The following OPCML variants were observed in gnomAD, a reference collection of about 807,000 sequenced individuals.
OPCML encodes opioid-binding protein/cell adhesion molecule.
A neutral mutation model predicts 37.8 loss-of-function variants in OPCML; 13 were observed. The observed-to-expected ratio is 0.34, with a 90% CI of 0.22 to 0.55. The LOEUF is 0.55. OPCML is among the 20% of genes least tolerant of loss of function. The pLI is 0.91. For missense variants in OPCML, 341 were observed against 435.6 expected (o/e 0.78, Z 1.93); for synonymous variants, 176 against 168.8 (o/e 1.04, Z -0.33).
intron 3 of OPCML, among the ~76,000 whole-genome samples, chr11:132,627,999 A>C (rs1291591350): frequency 6.6e-6 from 1 of 152,202 alleles, no homozygotes; most frequent in African/African-American, 2.4e-5. Context: ...ATTTAAATCT[A>C]GGCTGAAATT....
chr11:133,133,527 T>G (rs2137142013), intron 1 of OPCML, among the ~76,000 whole-genome samples: 1 of 152,206 alleles, frequency 6.6e-6, no homozygotes, highest in Admixed American at 6.5e-5. Flanking sequence ...GGCAGCCCGT[T>G]CTCCCCATCC....
intron 2 of OPCML, among the ~76,000 whole-genome samples, chr11:132,690,030 T>C (rs1447869395): frequency 1.3e-5 from 2 of 152,214 alleles, no homozygotes; most frequent in Admixed American, 6.5e-5. Flanking sequence ...TATGTGACAG[T>C]ACTGGATCAC....
intron 2 of OPCML, chr11:132,773,517 G>T (rs936768228): frequency 6.6e-6 from 1 of 152,200 alleles, no homozygotes; most frequent in African/African-American, 2.4e-5. Flanking sequence ...TTCCTGGTGA[G>T]GCCGACAAAA....
At chr11:132,548,421 C>G (rs2096373801) in intron 3 of OPCML, among the ~76,000 whole-genome samples, 1 of 152,150 alleles carries the variant, frequency 6.6e-6, no homozygotes, top group African/African-American at 2.4e-5. Flanking sequence ...CCTCCTGGCC[C>G]TGGGAGGATG....
chr11:133,093,708 G>T (rs765511792), intron 1 of OPCML, among the ~76,000 whole-genome samples: 2 of 152,048 alleles, frequency 1.3e-5, no homozygotes, highest in Non-Finnish European at 2.9e-5. Flanking sequence ...TTCTCCAGGT[G>T]ATGTGTCTGA....
chr11:133,241,124 G>T (rs188759231), intron 1 of OPCML, among the ~76,000 whole-genome samples: 1 of 152,282 alleles, frequency 6.6e-6, no homozygotes, highest in Admixed American at 6.5e-5. Flanking sequence ...TTTACTAGGG[G>T]CAGTCTTGAC....
Position 133,114,728 on chromosome 11 carries a change from A to G in OPCML, c.62-171718T>C, listed in dbSNP as rs1592014875. On this transcript the variant is annotated intron_variant, in intron 1 of 7. Transcript: ENST00000524381. ...TTACCACTGCATCTTTAAGGATAGA[A>G]TAGTACTTGGAATTGAGTGGGTGCT... Among the ~76,000 whole-genome samples the G allele has an allele frequency of 2.0e-5, 3 of 152,298 alleles. No individual in the cohort carries two copies. The South Asian group carries it at 6.2e-4, about 32-fold the overall frequency.
chr11:133,041,543 G>T (rs1176138539), intron 1 of OPCML, among the ~76,000 whole-genome samples: 1 of 152,166 alleles, frequency 6.6e-6, no homozygotes. Context: ...AAGGCATCCT[G>T]CACTGTATCT....
chr11:133,439,683 G>T (rs973454936), intron 1 of OPCML, among the ~76,000 whole-genome samples: 1 of 151,850 alleles, frequency 6.6e-6, no homozygotes, highest in Non-Finnish European at 1.5e-5. Flanking sequence ...TAGCCAGGAT[G>T]GTCTCGATCT....
At chr11:132,536,648 G>A (rs746680169) in intron 3 of OPCML, among the ~76,000 whole-genome samples, 6 of 152,096 alleles carry the variant, frequency 3.9e-5, no homozygotes, top group South Asian at 2.1e-4. Context: ...AAATAATACC[G>A]AAAAGACTTT....
chr11:132,554,098 G>T (rs1406097806), intron 3 of OPCML, among the ~76,000 whole-genome samples: 1 of 152,200 alleles, frequency 6.6e-6, no homozygotes, highest in Non-Finnish European at 1.5e-5. Flanking sequence ...GAGCAAAGGA[G>T]AACACGCTGG....
At chr11:132,638,184 T>TATATAC (rs913690705) in intron 3 of OPCML, among the ~76,000 whole-genome samples, 3 of 126,894 alleles carry the variant, frequency 2.4e-5, no homozygotes, top group African/African-American at 8.9e-5. Flanking sequence ...TATATATATA[T>TATATAC]ATACAGAGAG....
chr11:133,320,153 T>C (rs1242923134), intron 1 of OPCML, among the ~76,000 whole-genome samples: 6 of 152,204 alleles, frequency 3.9e-5, no homozygotes, highest in African/African-American at 1.4e-4. Flanking sequence ...TTATTTTCCC[T>C]AATATGTACT....
At chr11:132,985,173 A>T (rs765453738) in intron 1 of OPCML, among the ~76,000 whole-genome samples, 1 of 152,098 alleles carries the variant, frequency 6.6e-6, no homozygotes, top group Non-Finnish European at 1.5e-5. Context: ...ATTCCCACAA[A>T]TTTATCAACT....
At chr11:133,272,252 TAAA>T (rs544482291) in intron 1 of OPCML, among the ~76,000 whole-genome samples, 10 of 124,442 alleles carry the variant, frequency 8.0e-5, no homozygotes, top group Admixed American at 1.6e-4. Context: ...ATATTTGGAC[TAAA>T]AAAAAAAAAA....
chr11:132,824,148 A>C (rs1215606598), intron 2 of OPCML, among the ~76,000 whole-genome samples: 1 of 152,092 alleles, frequency 6.6e-6, no homozygotes, highest in Admixed American at 6.5e-5. Context: ...AGCTTATTTT[A>C]TCTAAAAATC....
intron 7 of OPCML, among the ~76,000 whole-genome samples, chr11:132,432,040 G>A (rs150980613): frequency 6.6e-6 from 1 of 152,196 alleles, no homozygotes; most frequent in Admixed American, 6.5e-5. Context: ...TCCATGATGG[G>A]TTGCCAGGTC....
At chr11:132,760,111 A>G (rs1946207834) in intron 2 of OPCML, among the ~76,000 whole-genome samples, 1 of 152,216 alleles carries the variant, frequency 6.6e-6, no homozygotes, top group African/African-American at 2.4e-5. Context: ...TGCAGTTTTG[A>G]GTGAGTTTCT....
chr11:132,930,193 G>A (rs1240936562), intron 2 of OPCML, among the ~76,000 whole-genome samples: 2 of 152,016 alleles, frequency 1.3e-5, no homozygotes, highest in African/African-American at 4.8e-5. Context: ...GCAAAACTCT[G>A]TCTCTACAAA....
Sources: gnomAD v4.1 joint callset for allele counts (sites outside exome capture counted in the v4.1 genomes callset) on GRCh38, gnomAD v4.1.1 for gene constraint, MANE v1.5 for transcripts, NCBI Gene and HGNC (gene_info 2026-07-23, HGNC 2026-07-21) for gene names.